STK31: variants seen among roughly 807,000 people sequenced by gnomAD.
STK31 encodes the protein serine/threonine-protein kinase 31.
In STK31, 89 loss-of-function variants were observed where a neutral mutation model predicts 129.7. The observed-to-expected ratio is 0.69, with a 90% confidence interval of 0.58 to 0.82. The LOEUF (loss-of-function observed/expected upper bound fraction) is 0.82. Among genes scored for constraint, STK31 ranks in the 40% least tolerant of loss-of-function variants. STK31 has a pLI of 0.00. For synonymous variants in STK31, 448 were observed against 395.3 expected, an observed-to-expected ratio of 1.13 and a Z score of -1.58; for missense variants, 1,187 against 1,176.4, an observed-to-expected ratio of 1.01 and a Z score of -0.13.
intron 8 of STK31, among the ~76,000 whole-genome samples, chr7:23,742,790 A>T (rs1788126608): frequency 6.6e-6 from 1 of 150,762 alleles, no homozygotes; most frequent in African/African-American, 2.4e-5. Context: ...ACTATTTCTG[A>T]TTCTTCCCTG....
chr7:23,788,085 C>T lies in STK31; in HGVS notation c.2593C>T (p.Arg865Cys), dbSNP rs750306514. The T allele has an allele frequency of 2.5e-6, 4 of 1,611,558 alleles. No individual in the cohort carries two copies. The highest frequency in any genetic ancestry group is 2.2e-5 in the South Asian group (2 of 90,376). ...LHQNNVFALNREQGIVGDFDF... is the reference protein window; with the variant it reads ...LHQNNVFALNCEQGIVGDFDF... ...TCAGAACAATGTATTTGCTTTAAACCGTGAACAAGGAATTGTTGGAGATTT... is the reference window on the plus strand; with the variant it reads ...TCAGAACAATGTATTTGCTTTAAACTGTGAACAAGGAATTGTTGGAGATTT... The change falls in exon 21 of 24, where the codon CGT (arginine) becomes TGT (cysteine). Residue 865 changes from arginine (R) to cysteine (C), a missense_variant. Coordinates refer to ENST00000355870, the MANE Select transcript of STK31 (RefSeq NM_031414.5).
chr7:23,795,417 C>T (rs1328681122), intron 22 of STK31, among the ~76,000 whole-genome samples: 1 of 152,206 alleles, frequency 6.6e-6, no homozygotes, highest in Non-Finnish European at 1.5e-5. Flanking sequence ...CCTGGATGTC[C>T]AGGCAGAAGT....
intron 15 of STK31, among the ~76,000 whole-genome samples, chr7:23,775,116 G>T (rs934908937): frequency 1.5e-4 from 22 of 151,378 alleles, no homozygotes; most frequent in Admixed American, 1.2e-3. Context: ...CTTCTGTCAG[G>T]TTTGTCAAAG....
At chr7:23,796,318 A>T (rs1445730838) in intron 22 of STK31, among the ~76,000 whole-genome samples, 35 of 151,716 alleles carry the variant, frequency 2.3e-4, no homozygotes, top group South Asian at 2.1e-4. Context: ...TCAGTAATCT[A>T]TTCTTTATAT....
At chr7:23,816,674 G>T (rs1431240421) in intron 23 of STK31, among the ~76,000 whole-genome samples, 1 of 152,210 alleles carries the variant, frequency 6.6e-6, no homozygotes, top group Non-Finnish European at 1.5e-5. Context: ...TCATGGCAGC[G>T]TGTTTCATTG....
At chr7:23,753,060 T>C (rs932054727) in intron 9 of STK31, among the ~76,000 whole-genome samples, 9 of 152,178 alleles carry the variant, frequency 5.9e-5, no homozygotes, top group Non-Finnish European at 1.0e-4. Context: ...TAACTGAGAC[T>C]GAAATTGAAA....
chr7:23,825,942 A>T (rs938802148), intron 23 of STK31, among the ~76,000 whole-genome samples: 1 of 152,034 alleles, frequency 6.6e-6, no homozygotes, highest in African/African-American at 2.4e-5. Flanking sequence ...GTTCTAGTTC[A>T]TTGCACTGTG....
rs183874400 is a variant in STK31, at chr7:23,729,316, G to T, written c.483+67G>T. 12 of 1,395,256 alleles carry T rather than the reference G, an allele frequency of 8.6e-6. No individual in the cohort carries two copies. In the East Asian group the frequency reaches 1.9e-4, roughly 23 times the overall value. 86.4% of individuals were successfully genotyped at this position (1,395,256 alleles called of 1,614,324 possible). On this transcript the variant is annotated intron_variant, in intron 6 of 23. Transcript: ENST00000355870. ...ACTATGTGCTTGAAACAAAATGTAG[G>T]TATAGTTAAATCTTACTTTAATATA...
Position 23,735,795 on chromosome 7 carries a change from A to G in STK31, c.741A>G (p.Ser247=). 1 of 1,614,196 alleles carries G rather than the reference A, an allele frequency of 6.2e-7. No individual in the cohort carries two copies. ...KSPIPLWGHR[S]NQSTFSRPKG... ...CCATTCCTTTGTGGGGGCATAGATCAAACCAGTCAACCTTCAGCAGGCCCA... is the reference window on the plus strand; with the variant it reads ...CCATTCCTTTGTGGGGGCATAGATCGAACCAGTCAACCTTCAGCAGGCCCA... The change falls in exon 7 of 24, where the codon TCA becomes TCG. Residue 247 remains serine (S), a synonymous_variant. Coordinates refer to ENST00000355870, the MANE Select transcript of STK31 (RefSeq NM_031414.5).
chr7:23,811,013 TG>T (rs1218731864), intron 22 of STK31: 4 of 154,970 alleles, frequency 2.6e-5, no homozygotes, highest in Non-Finnish European at 4.2e-5. Context: ...CAGATAAATA[TG>T]GTCAAAATAA....
chr7:23,774,009 C>T (rs866552834), intron 15 of STK31, among the ~76,000 whole-genome samples: 2 of 151,670 alleles, frequency 1.3e-5, no homozygotes, highest in African/African-American at 4.9e-5. Context: ...TCAGTTCCCA[C>T]CTATGAGTGA....
At chr7:23,749,344 G>GTTTT (rs201417190) in intron 8 of STK31, among the ~76,000 whole-genome samples, 1 of 124,906 alleles carries the variant, frequency 8.0e-6, no homozygotes, top group African/African-American at 3.0e-5. Flanking sequence ...TTCTTTTCTT[G>GTTTT]TTTTTTTTTT....
At chr7:23,788,693 TTC>T (rs967814608) in intron 21 of STK31, among the ~76,000 whole-genome samples, 1 of 152,162 alleles carries the variant, frequency 6.6e-6, no homozygotes, top group Non-Finnish European at 1.5e-5. Context: ...ATGGAAACAA[TTC>T]TCTATTTTAA....
chr7:23,785,341 AG>A (rs1232269283), intron 17 of STK31, 136 bp from the exon 18 acceptor site: 1 of 1,234,636 alleles, frequency 8.1e-7, no homozygotes, highest in Non-Finnish European at 1.1e-6. Flanking sequence ...ACAGTTTTAA[AG>A]ATTTTAATTT....
Position 23,770,801 on chromosome 7 carries a change from C to T in STK31, c.1714-204C>T, listed in dbSNP as rs1443018149. On this transcript the variant is annotated intron_variant, in intron 13 of 23. Transcript: ENST00000355870. ...AAAATTTTTTTTTAGGGACTGGTCT[C>T]ACTATGTTGCCTGGCTGCCATATGA... Among the ~76,000 whole-genome samples, 5 of 152,108 alleles carry T rather than the reference C, an allele frequency of 3.3e-5. No homozygotes were observed. The East Asian group carries it at 7.7e-4, about 23-fold the overall frequency.
chr7:23,725,534 C>G (rs1269576404), intron 4 of STK31, among the ~76,000 whole-genome samples: 1 of 152,032 alleles, frequency 6.6e-6, no homozygotes, highest in Non-Finnish European at 1.5e-5. Flanking sequence ...CAGAGTAAAA[C>G]CTTATCTCAA....
chr7:23,793,981 G>A (rs1202280261), intron 22 of STK31, among the ~76,000 whole-genome samples: 1 of 152,188 alleles, frequency 6.6e-6, no homozygotes, highest in Non-Finnish European at 1.5e-5. Context: ...ACAACTCAAA[G>A]TCCATCAACA....
intron 6 of STK31, among the ~76,000 whole-genome samples, chr7:23,730,854 A>ATT (rs1320468075): frequency 2.1e-3 from 176 of 83,414 alleles, no homozygotes; most frequent in African/African-American, 6.6e-3. Context: ...GTATATAAAC[A>ATT]TTTATATATA....
intron 15 of STK31, among the ~76,000 whole-genome samples, chr7:23,779,597 C>T (rs1562595337): frequency 6.6e-6 from 1 of 152,164 alleles, no homozygotes. Flanking sequence ...GCGGTGAGCT[C>T]CGTGGAGTCT....
Sources: allele counts gnomAD v4.1 joint callset (sites outside exome capture counted in the v4.1 genomes callset), GRCh38; gene constraint gnomAD v4.1.1; transcripts MANE v1.5; gene names NCBI Gene and HGNC (gene_info 2026-07-23, HGNC 2026-07-21).